FHAD1: variants seen among roughly 807,000 people sequenced by gnomAD.
The protein encoded by FHAD1 is forkhead-associated domain-containing protein 1.
In FHAD1, 146 loss-of-function variants were observed where a neutral mutation model predicts 191.3. The ratio of observed to expected loss-of-function variants is 0.76; its 90% CI spans 0.67 to 0.88. The LOEUF (loss-of-function observed/expected upper bound fraction) is 0.88, where lower values mean the gene tolerates loss of function less well. FHAD1 is among the 40% of genes least tolerant of loss of function. The pLI, the probability that FHAD1 is intolerant of heterozygous loss-of-function variation, is 0.00. For missense variants in FHAD1, 1,635 were observed against 1,785.8 expected (o/e 0.92, Z 1.52); for synonymous variants, 616 against 672.3 (o/e 0.92, Z 1.29).
intron 3 of FHAD1, among the ~76,000 whole-genome samples, 180 bp downstream of exon 3, chr1:15,272,709 A>G (rs952766299): frequency 3.3e-5 from 5 of 152,216 alleles, no homozygotes; most frequent in Admixed American, 6.5e-5. Context: ...GGTCCCAGGA[A>G]GGAGAGAATC....
intron 3 of FHAD1, among the ~76,000 whole-genome samples, chr1:15,273,314 A>C (rs1351365531): frequency 6.6e-6 from 1 of 152,192 alleles, no homozygotes; most frequent in Non-Finnish European, 1.5e-5. Context: ...GTGGATAACT[A>C]TGCTGCTTTT....
intron 23 of FHAD1, among the ~76,000 whole-genome samples, chr1:15,364,503 G>A (rs1321628330): frequency 6.6e-6 from 1 of 152,142 alleles, no homozygotes; most frequent in Non-Finnish European, 1.5e-5. Flanking sequence ...CCAGCTACTT[G>A]GGAGGCTGAG....
Position 15,316,252 on chromosome 1 carries a change from C to G in FHAD1, c.1171-126C>G, listed in dbSNP as rs1033478006. 2 of 725,092 alleles carry G rather than the reference C, an allele frequency of 2.8e-6. No individual in the cohort carries two copies. Among genetic ancestry groups the G allele is most frequent in the East Asian group, 5.4e-5 (2 of 36,734 alleles). The allele number at this position is 725,092 out of a possible 1,614,324, so 44.9% of individuals were successfully genotyped here. ...TGGGATGCCTTTTGGGATCTCAGTG[C>G]GTGACTGGATGGAAACAGCAGGAAA... On this transcript the variant is annotated intron_variant, in intron 8 of 33. Transcript: ENST00000688493. The surrounding 1 kb of genome is among the most constrained non-coding windows in gnomAD (Gnocchi z 4.3).
intron 6 of FHAD1, among the ~76,000 whole-genome samples, chr1:15,308,296 G>C (rs1400305592): frequency 6.6e-6 from 1 of 152,208 alleles, no homozygotes; most frequent in Non-Finnish European, 1.5e-5. Context: ...GGAACCAACA[G>C]GTGATCTGTT....
intron 3 of FHAD1, among the ~76,000 whole-genome samples, chr1:15,275,833 G>A (rs542400341): frequency 1.3e-5 from 2 of 151,970 alleles, no homozygotes; most frequent in Non-Finnish European, 2.9e-5. Flanking sequence ...TGTCTTCCCC[G>A]CGGTAGAGTT....
At chr1:15,342,151 C>A (rs1303748086) in intron 16 of FHAD1, among the ~76,000 whole-genome samples, 1 of 152,166 alleles carries the variant, frequency 6.6e-6, no homozygotes, top group Non-Finnish European at 1.5e-5. Context: ...GTATTGCAGT[C>A]GGCTTTATGA....
At chr1:15,336,861 C>A (rs557457758) in intron 14 of FHAD1, among the ~76,000 whole-genome samples, 33 of 152,210 alleles carry the variant, frequency 2.2e-4, no homozygotes, top group Non-Finnish European at 4.3e-4. Flanking sequence ...ACCCTTTAGG[C>A]GCTCTGCTTC....
rs1257367192 is a variant in FHAD1 at position 15,317,902 on chromosome 1, T to A, written c.1339T>A (p.Ser447Thr). 6.4e-7 allele frequency: 1 copy of A among 1,551,596 alleles called. No homozygotes were observed. Among genetic ancestry groups the A allele is most frequent in the Non-Finnish European group, 8.7e-7 (1 of 1,146,860 alleles). ...GAGTTGTACTGAACAAAGCGTGATCTCTAGGACTCTGAGAGAAAAAAGCAA... is the reference window on the plus strand; with the variant it reads ...GAGTTGTACTGAACAAAGCGTGATCACTAGGACTCTGAGAGAAAAAAGCAA... ...RKSCTEQSVI[S>T]RTLREKSKVE... is the part of the protein sequence containing the mutation. The change falls in exon 10 of 34, where the codon TCT becomes ACT. Residue 447 changes from serine to threonine, a missense_variant. Coordinates refer to ENST00000688493, the MANE Select transcript of FHAD1 (RefSeq NM_001391957.1).
Position 15,391,247 on chromosome 1 carries a change from A to G in FHAD1, c.4307A>G (p.Gln1436Arg). 1 of 1,288,760 alleles carries G rather than the reference A, an allele frequency of 7.8e-7. No individual in the cohort carries two copies. The highest frequency in any genetic ancestry group is 1.2e-5 in the South Asian group (1 of 80,896). The allele number at this position is 1,288,760 out of a possible 1,614,324, so 79.8% of individuals were successfully genotyped here. Residue 1436 changes from glutamine to arginine, a missense_variant, in exon 33 of 34, where the codon CAG becomes CGG. Transcript: ENST00000688493. ...GTAGAGATGGTGAAGAACAGGATGC[A>G]GAACTCAAATTCCCAGGTGAGCAGA... is the stretch of plus-strand genomic sequence containing the variant. ...VFVEMVKNRM[Q>R]NSNSQVGTRK... is the part of the protein sequence containing the mutation.
intron 23 of FHAD1, among the ~76,000 whole-genome samples, 180 bp from the exon 24 acceptor site, chr1:15,365,647 C>T (rs1199757557): frequency 6.6e-6 from 1 of 151,944 alleles, no homozygotes; most frequent in Non-Finnish European, 1.5e-5. Context: ...AAATGAGGTG[C>T]ATGAAAAAAG....
Position 15,313,038 on chromosome 1 carries a change from C to T in FHAD1, c.1040-19C>T, listed in dbSNP as rs1474217720. Reference sequence around the variant, plus strand: ...ATCCTCACTGCCTCTTTGACCTCTGCGAGTCTTCTTTTTTACAGGGATGGT... The same window carrying T: ...ATCCTCACTGCCTCTTTGACCTCTGTGAGTCTTCTTTTTTACAGGGATGGT... On this transcript the variant is annotated intron_variant, in intron 7 of 33. Coordinates refer to ENST00000688493, the MANE Select transcript of FHAD1 (RefSeq NM_001391957.1). 4.5e-6 allele frequency: 7 copies of T among 1,551,230 alleles called. No homozygotes were observed. Among genetic ancestry groups the T allele is most frequent in the African/African-American group, 1.4e-5 (1 of 73,136 alleles).
rs147621137 is a variant in FHAD1 at position 15,303,648 on chromosome 1, G to A, written c.915+2207G>A. ...GCGGATCACCTGAGGTCAGGAGTTCGAGACCAGCCTGGCCAACATGGCGAA... is the reference window on the plus strand; with the variant it reads ...GCGGATCACCTGAGGTCAGGAGTTCAAGACCAGCCTGGCCAACATGGCGAA... On this transcript the variant is annotated intron_variant, in intron 6 of 33. Coordinates refer to ENST00000688493, the MANE Select transcript of FHAD1 (RefSeq NM_001391957.1). Among the ~76,000 whole-genome samples, 1,262 of 152,248 alleles carry A rather than the reference G, an allele frequency of 8.3e-3. 22 individuals are homozygous for A. Among genetic ancestry groups the A allele is most frequent in the African/African-American group, 0.029 (1,185 of 41,544 alleles).
chr1:15,273,169 T>A (rs545099892), intron 3 of FHAD1, among the ~76,000 whole-genome samples: 1 of 152,286 alleles, frequency 6.6e-6, no homozygotes, highest in East Asian at 1.9e-4. Flanking sequence ...AGGAGGAGGA[T>A]GCACAATATC....
At chr1:15,299,199 CAAAA>C (rs35299485) in intron 5 of FHAD1, among the ~76,000 whole-genome samples, 36 of 46,390 alleles carry the variant, frequency 7.8e-4, no homozygotes, top group African/African-American at 2.9e-3. Flanking sequence ...GACCCTGTCT[CAAAA>C]AAAAAAAAAA....
At chr1:15,237,714 C>T (rs971905926) in intron 1 of FHAD1, among the ~76,000 whole-genome samples, 9 of 152,036 alleles carry the variant, frequency 5.9e-5, no homozygotes, top group African/African-American at 1.9e-4. Flanking sequence ...TCAGAAAACA[C>T]GGTGAAAGGT....
chr1:15,365,471 T>TG (rs560933149), intron 23 of FHAD1, among the ~76,000 whole-genome samples: 203 of 149,968 alleles, frequency 1.4e-3, no homozygotes, highest in African/African-American at 4.9e-3. Context: ...CACACCACTA[T>TG]GCCTGGCTAA....
intron 33 of FHAD1, among the ~76,000 whole-genome samples, chr1:15,393,426 A>ACG (rs1553127054): frequency 2.4e-3 from 308 of 126,696 alleles, no homozygotes; most frequent in African/African-American, 0.012. Flanking sequence ...ACACACACAC[A>ACG]CACGCACACA....
intron 14 of FHAD1, among the ~76,000 whole-genome samples, chr1:15,331,863 C>T (rs1398387696): frequency 6.6e-6 from 1 of 152,034 alleles, no homozygotes; most frequent in Non-Finnish European, 1.5e-5. Context: ...CATGTTTTGC[C>T]TGATGTCATG....
At chr1:15,323,017 A>G (rs1676873053) in intron 10 of FHAD1, among the ~76,000 whole-genome samples, 1 of 152,230 alleles carries the variant, frequency 6.6e-6, no homozygotes, top group Non-Finnish European at 1.5e-5. Context: ...GAAACCCCTG[A>G]TAAACCCGTC....
Sources: gnomAD v4.1 joint callset for allele counts (sites outside exome capture counted in the v4.1 genomes callset) on GRCh38, gnomAD v4.1.1 for gene constraint, Gnocchi (gnomAD v3.1) non-coding constraint, MANE v1.5 for transcripts, NCBI Gene and HGNC (gene_info 2026-07-23, HGNC 2026-07-21) for gene names.